VCL: variants seen among roughly 807,000 people sequenced by gnomAD.
The protein encoded by VCL is vinculin, also known as epididymis luminal protein 114.
VCL carries 47 observed loss-of-function variants against 125.7 expected under a neutral mutation model. The ratio of observed to expected loss-of-function variants is 0.37; its 90% confidence interval spans 0.30 to 0.48. The LOEUF (loss-of-function observed/expected upper bound fraction) is 0.48. Ranked by LOEUF, VCL falls within the 20% of genes least tolerant of loss-of-function variation. The pLI is 0.99. For missense variants in VCL, 1,069 were observed against 1,455.5 expected (o/e 0.73, Z 4.32); for synonymous variants, 458 against 514.6 (o/e 0.89, Z 1.49).
chr10:74,045,954 T>C (rs1442966633), intron 2 of VCL, among the ~76,000 whole-genome samples: 1 of 152,242 alleles, frequency 6.6e-6, no homozygotes, highest in Non-Finnish European at 1.5e-5. Flanking sequence ...TCCTTTATTT[T>C]TATCCTCCTT....
intron 16 of VCL, among the ~76,000 whole-genome samples, chr10:74,105,613 G>A (rs779459858): frequency 6.6e-6 from 1 of 152,168 alleles, no homozygotes; most frequent in African/African-American, 2.4e-5. Flanking sequence ...CCAGAGGGCA[G>A]TGGCATGATC....
At chr10:74,089,829 T>TA (rs997263939) in intron 9 of VCL, among the ~76,000 whole-genome samples, 194 bp from the exon 10 acceptor site, 3 of 151,996 alleles carry the variant, frequency 2.0e-5, no homozygotes, top group African/African-American at 7.3e-5. Context: ...CTAATGGGTG[T>TA]AAAAAAATTG....
intron 1 of VCL, among the ~76,000 whole-genome samples, chr10:74,028,408 T>C (rs944094227): frequency 4.0e-5 from 6 of 150,686 alleles, no homozygotes; most frequent in African/African-American, 1.5e-4. Flanking sequence ...TTTTTTTTTT[T>C]TTTTTGAGAC....
intron 1 of VCL, among the ~76,000 whole-genome samples, chr10:74,022,877 G>A (rs969256731): frequency 4.6e-5 from 7 of 152,080 alleles, no homozygotes; most frequent in Admixed American, 3.9e-4. Context: ...CTGACCCCAG[G>A]TGATCCACCT....
intron 6 of VCL, 114 bp downstream of exon 6, chr10:74,075,017 A>T: frequency 7.6e-7 from 1 of 1,311,124 alleles, no homozygotes; most frequent in Non-Finnish European, 1.1e-6. Flanking sequence ...AAGAGTACTC[A>T]GATATTGTGA....
At chr10:74,018,140 G>GA (rs202084961) in intron 1 of VCL, among the ~76,000 whole-genome samples, 5,275 of 97,760 alleles carry the variant, frequency 0.054, 177 homozygotes, top group African/African-American at 0.1. Context: ...GTCTCAAAAA[G>GA]AAAAAAAAAT....
chr10:74,066,047 G>GTATATA (rs143197525), intron 2 of VCL, among the ~76,000 whole-genome samples: 3 of 133,252 alleles, frequency 2.3e-5, no homozygotes, highest in African/African-American at 8.7e-5. Flanking sequence ...ATCAATTTTG[G>GTATATA]TATATATATA....
intron 1 of VCL, among the ~76,000 whole-genome samples, chr10:74,024,820 G>C (rs1426207657): frequency 6.6e-6 from 1 of 152,162 alleles, no homozygotes; most frequent in African/African-American, 2.4e-5. Context: ...CTTGGCTGTG[G>C]AAACCTTCCA....
In VCL at chr10:74,107,225, T is replaced by G; in HGVS notation, c.2435-5T>G. 1 of 1,614,190 alleles carries G rather than the reference T, an allele frequency of 6.2e-7. No homozygotes were observed. Among genetic ancestry groups the G allele is most frequent in the Non-Finnish European group, 8.5e-7 (1 of 1,180,032 alleles). ...CAGCTGAAAGTGAGGATGTCTTGTG[T>G]TTAGGACTGCAAAAGAGCTTCCTGG... On this transcript the variant is annotated splice_region_variant and splice_polypyrimidine_tract_variant and intron_variant, in intron 16 of 21. Transcript: ENST00000211998.
In VCL at chr10:74,071,111, T is replaced by C. The variant is rs762297324; in HGVS notation, c.499+28T>C. 6.2e-7 allele frequency: 1 copy of C among 1,605,240 alleles called. No homozygotes were observed. The highest frequency in any genetic ancestry group is 1.7e-5 in the Admixed American group (1 of 59,988). ...TAGTTTTATCCAATTTCTATAACAT[T>C]TTTTAAGGATTGTCCATGTTGGAGC... On this transcript the variant is annotated intron_variant, in intron 4 of 21. Transcript: ENST00000211998. The surrounding 1 kb of genome is among the most constrained non-coding windows in gnomAD (Gnocchi z 4.1).
chr10:74,083,380 C>G lies in VCL; in HGVS notation c.889C>G (p.Gln297Glu). 6.2e-7 allele frequency: 1 copy of G among 1,614,030 alleles called. No individual in the cohort carries two copies. Among genetic ancestry groups the G allele is most frequent in the Non-Finnish European group, 8.5e-7 (1 of 1,179,944 alleles). Residue 297 changes from glutamine to glutamate, a missense_variant, in exon 8 of 22, where the codon CAG (glutamine) becomes GAG (glutamate). Transcript: ENST00000211998. ...CTTTATTTTAGGGGATGCTGGTGAG[C>G]AGGCCATCAGACAGATCTTAGATGA... Reference protein sequence around the residue: ...PSASPGDAGEQAIRQILDEAG... With the variant: ...PSASPGDAGEEAIRQILDEAG...
rs148619523 is a variant in VCL at position 74,089,213 on chromosome 10, C to T, written c.1040C>T (p.Pro347Leu). Residue 347 changes from proline (P) to leucine (L), a missense_variant, in exon 9 of 22, where the codon CCG becomes CTG. Transcript: ENST00000211998. ...TTGAGCAGAGGACAAGGATCCTCAC[C>T]GGTGGCCATGCAGAAAGCTCAGCAG... is the stretch of plus-strand genomic sequence containing the variant. The part of the protein sequence containing the change: ...DLRARGQGSS[P>L]VAMQKAQQVS... The T allele has an allele frequency of 4.1e-5, 66 of 1,613,998 alleles. No homozygotes were observed. The highest frequency in any genetic ancestry group is 1.6e-4 in the Middle Eastern group (1 of 6,062).
At chr10:74,062,993 C>T (rs531149713) in intron 2 of VCL, among the ~76,000 whole-genome samples, 6 of 152,234 alleles carry the variant, frequency 3.9e-5, no homozygotes, top group Non-Finnish European at 7.4e-5. Context: ...TCCTTTGAAC[C>T]CAAGAGGTGG....
rs983257436 is a variant in VCL at position 73,998,453 on chromosome 10, G to A, written c.168+78G>A. ...CCCGGCCCGCGTCGCGGCTGCCTGT[G>A]GCCGGCTCGCTGGCCGTGGCTTTCC... On this transcript the variant is annotated intron_variant, in intron 1 of 21. Coordinates refer to ENST00000211998, the MANE Select transcript of VCL (RefSeq NM_014000.3). 10 of 1,279,698 alleles carry A rather than the reference G, an allele frequency of 7.8e-6. No individual in the cohort carries two copies. In the Admixed American group the frequency reaches 2.6e-4, roughly 33 times the overall value. 79.3% of individuals were successfully genotyped at this position (1,279,698 alleles called of 1,614,324 possible).
At chr10:74,029,378 G>C (rs969709628) in intron 1 of VCL, among the ~76,000 whole-genome samples, 28 of 152,182 alleles carry the variant, frequency 1.8e-4, no homozygotes, top group African/African-American at 6.5e-4. Flanking sequence ...CTCCCAAAGT[G>C]CTGGGATTAC....
At chr10:74,022,202 T>G (rs11000851) in intron 1 of VCL, among the ~76,000 whole-genome samples, 39,106 of 151,882 alleles carry the variant, frequency 0.26, 5,678 homozygotes, top group African/African-American at 0.39. Context: ...AAAAATATTT[T>G]GGGAAAAAAA....
rs546053263 is a variant in VCL, at chr10:74,082,056, T to C, written c.784-398T>C. Among the ~76,000 whole-genome samples the C allele has an allele frequency of 2.1e-3, 321 of 152,290 alleles. 1 individual carries two copies. Among genetic ancestry groups the C allele is most frequent in the African/African-American group, 7.2e-3 (299 of 41,574 alleles). ...TTGTGGCACCACATACTAACGAGGC[T>C]TCCCTGAGGTGGGAAGGGCTTTGGC... On this transcript the variant is annotated intron_variant, in intron 6 of 21. Transcript: ENST00000211998.
At chr10:74,039,401 C>T (rs778095744) in intron 1 of VCL, among the ~76,000 whole-genome samples, 7 of 152,228 alleles carry the variant, frequency 4.6e-5, no homozygotes, top group Non-Finnish European at 1.0e-4. Context: ...CGGCTGACTG[C>T]AGTAGCCTCC....
rs190573787 is a variant in VCL, at chr10:74,115,751, G to A, written c.3258+852G>A. Among the ~76,000 whole-genome samples the A allele has an allele frequency of 6.6e-5, 10 of 152,320 alleles. No individual in the cohort carries two copies. The East Asian group carries it at 1.4e-3, about 21-fold the overall frequency. ...AAACTGAAATGACAGCTCAAAGGAG[G>A]TGCTTCTCTTATATTCTCTTTAGGT... On this transcript the variant is annotated intron_variant, in intron 21 of 21. Coordinates refer to ENST00000211998, the MANE Select transcript of VCL (RefSeq NM_014000.3).
Sources: gnomAD v4.1 joint callset for allele counts (sites outside exome capture counted in the v4.1 genomes callset) on GRCh38, gnomAD v4.1.1 for gene constraint, Gnocchi (gnomAD v3.1) non-coding constraint, MANE v1.5 for transcripts, NCBI Gene and HGNC (gene_info 2026-07-23, HGNC 2026-07-21) for gene names.